The following MAGI3 variants were observed in gnomAD, a reference collection of about 807,000 sequenced individuals.
The protein encoded by MAGI3 is membrane-associated guanylate kinase, WW and PDZ domain-containing protein 3.
Under a neutral mutation model 121.8 loss-of-function variants are expected in MAGI3, and 43 were observed. That is an observed-to-expected ratio of 0.35 (90% CI 0.28 to 0.46). MAGI3 has a LOEUF of 0.46. MAGI3 is among the 20% of genes least tolerant of loss of function. The probability of loss-of-function intolerance (pLI) is 1.00; values close to 1 mark genes in which losing one functional copy is unlikely to be tolerated. For missense variants in MAGI3, 1,547 were observed against 1,797.3 expected, an observed-to-expected ratio of 0.86 and a Z score of 2.52; for synonymous variants, 553 against 639.3, an observed-to-expected ratio of 0.86 and a Z score of 2.04.
intron 1 of MAGI3, among the ~76,000 whole-genome samples, chr1:113,451,549 T>C (rs1156265923): frequency 2.6e-5 from 4 of 152,182 alleles, no homozygotes; most frequent in African/African-American, 9.7e-5. Context: ...GAAAATGTCC[T>C]AAGGAAGATC....
rs766594582 is a variant in MAGI3 at position 113,684,156 on chromosome 1, T to C, written c.*142T>C. The C allele has an allele frequency of 2.1e-6, 2 of 940,038 alleles. No individual in the cohort carries two copies. Among genetic ancestry groups the C allele is most frequent in the African/African-American group, 3.4e-5 (2 of 59,184 alleles). 58.2% of individuals were successfully genotyped at this position (940,038 alleles called of 1,614,324 possible). A position where few individuals can be genotyped will look rare whatever the true frequency, so the allele number is the denominator to read the frequency against. ...TGAGCCTCAAGTTACCTAGGCTGCA[T>C]GAAGGGCCTTTAGGATTGCTAAGAA... On this transcript the variant is annotated 3_prime_UTR_variant, in exon 21 of 21. Coordinates refer to ENST00000307546, the MANE Select transcript of MAGI3 (RefSeq NM_001142782.2).
intron 1 of MAGI3, among the ~76,000 whole-genome samples, chr1:113,461,819 A>G (rs1000074806): frequency 8.5e-5 from 13 of 152,238 alleles, no homozygotes; most frequent in Non-Finnish European, 1.2e-4. Context: ...TTTACAAACT[A>G]TGCATCTGAC....
At chr1:113,567,839 T>A (rs924001899) in intron 2 of MAGI3, among the ~76,000 whole-genome samples, 7 of 152,000 alleles carry the variant, frequency 4.6e-5, no homozygotes, top group African/African-American at 1.7e-4. Context: ...CTATTCAACA[T>A]AGTACTGGAA....
intron 1 of MAGI3, among the ~76,000 whole-genome samples, chr1:113,469,098 A>C (rs1655425205): frequency 6.6e-6 from 1 of 152,224 alleles, no homozygotes; most frequent in Admixed American, 6.5e-5. Flanking sequence ...ATACAAGAGT[A>C]ATAGCACTTG....
chr1:113,594,511 T>A lies in MAGI3; in HGVS notation c.969T>A (p.Asp323Glu). 1 of 1,613,390 alleles carries A rather than the reference T, an allele frequency of 6.2e-7. No homozygotes were observed. The part of the protein sequence containing the change: ...DHNTKTTTWL[D>E]PRLCKKAKAP... ...ATACCAAGACAACCACCTGGTTGGA[T>A]CCTCGTCTTTGTAAGAAAGCCAAAG... is the stretch of plus-strand genomic sequence containing the variant. Residue 323 changes from aspartate to glutamate, a missense_variant, in exon 6 of 21, where the codon GAT becomes GAA. Transcript: ENST00000307546.
intron 9 of MAGI3, among the ~76,000 whole-genome samples, chr1:113,629,418 G>T (rs1301135323): frequency 1.3e-5 from 2 of 152,026 alleles, no homozygotes; most frequent in Admixed American, 1.3e-4. Flanking sequence ...CTCCAGGATT[G>T]GTCCCTAGTG....
chr1:113,473,036 T>C (rs2101543626), intron 1 of MAGI3, among the ~76,000 whole-genome samples: 1 of 152,356 alleles, frequency 6.6e-6, no homozygotes, highest in Admixed American at 6.5e-5. Context: ...GAATTTATAG[T>C]AACTTTTTAA....
intron 2 of MAGI3, among the ~76,000 whole-genome samples, chr1:113,570,933 T>G (rs1337503211): frequency 1.3e-5 from 2 of 152,230 alleles, no homozygotes; most frequent in Non-Finnish European, 2.9e-5. Context: ...TTTGTTGCTA[T>G]TGTTTTTGGT....
intron 9 of MAGI3, among the ~76,000 whole-genome samples, chr1:113,626,025 G>A (rs1570959427): frequency 6.6e-6 from 1 of 152,114 alleles, no homozygotes; most frequent in Non-Finnish European, 1.5e-5. Flanking sequence ...GAGGGCAGTG[G>A]CATGATCTCA....
chr1:113,415,807 C>T (rs1318697711), intron 1 of MAGI3, among the ~76,000 whole-genome samples: 1 of 151,848 alleles, frequency 6.6e-6, no homozygotes, highest in African/African-American at 2.4e-5. Flanking sequence ...TCTCCTTACT[C>T]CCTCTCCCAA....
In MAGI3 at chr1:113,683,901, A is replaced by G; in HGVS notation, c.4333A>G (p.Lys1445Glu). 1 of 1,612,180 alleles carries G rather than the reference A, an allele frequency of 6.2e-7. No individual in the cohort carries two copies. Among genetic ancestry groups the G allele is most frequent in the Non-Finnish European group, 8.5e-7 (1 of 1,179,152 alleles). The change falls in exon 21 of 21, where the codon AAA becomes GAA. Residue 1445 changes from lysine to glutamate, a missense_variant. Coordinates refer to ENST00000307546, the MANE Select transcript of MAGI3 (RefSeq NM_001142782.2). Reference sequence around the variant, plus strand: ...CAAAAACAAAGAGACTGGAAGGTTCAAACCGGAAAGCAGTTCTCCAGTTAA... The same window carrying G: ...CAAAAACAAAGAGACTGGAAGGTTCGAACCGGAAAGCAGTTCTCCAGTTAA... ...ADKNKETGRF[K>E]PESSSPVKKT... is the part of the protein sequence containing the mutation.
intron 2 of MAGI3, among the ~76,000 whole-genome samples, chr1:113,572,466 T>C (rs1242721148): frequency 1.3e-5 from 2 of 152,198 alleles, no homozygotes; most frequent in Non-Finnish European, 2.9e-5. Flanking sequence ...TCAAAAGGAA[T>C]GGTACCAGCT....
chr1:113,400,256 TTCTATTACTGTATCAATG>T (rs997406930), intron 1 of MAGI3, among the ~76,000 whole-genome samples: 7 of 152,166 alleles, frequency 4.6e-5, no homozygotes, highest in Non-Finnish European at 7.4e-5. Flanking sequence ...TATTTTTATA[TTCTATTACTGTATCAATG>T]TCTTCAGCTT....
At chr1:113,605,582 T>C (rs1489644379) in intron 6 of MAGI3, among the ~76,000 whole-genome samples, 1 of 152,188 alleles carries the variant, frequency 6.6e-6, no homozygotes, top group East Asian at 1.9e-4. Flanking sequence ...AACCCACTTT[T>C]TATAATTGAA....
intron 1 of MAGI3, among the ~76,000 whole-genome samples, chr1:113,525,355 TCTTC>T (rs1658402643): frequency 6.6e-6 from 1 of 152,168 alleles, no homozygotes; most frequent in Non-Finnish European, 1.5e-5. Flanking sequence ...TTTAGACCAG[TCTTC>T]CTTCCTTTTT....
chr1:113,491,249 A>T (rs1038879947), intron 1 of MAGI3, among the ~76,000 whole-genome samples: 1 of 152,230 alleles, frequency 6.6e-6, no homozygotes, highest in Non-Finnish European at 1.5e-5. Context: ...TTACATGGCA[A>T]TTGGATAACC....
At chr1:113,575,014 C>T (rs754470203) in intron 2 of MAGI3, among the ~76,000 whole-genome samples, 1 of 152,058 alleles carries the variant, frequency 6.6e-6, no homozygotes, top group East Asian at 1.9e-4. Flanking sequence ...ATGAAGTTCT[C>T]GTGCTGTGTT....
intron 9 of MAGI3, among the ~76,000 whole-genome samples, chr1:113,631,956 T>C (rs1262983949): frequency 6.6e-6 from 1 of 152,142 alleles, no homozygotes; most frequent in Non-Finnish European, 1.5e-5. Context: ...TTAAGTATTG[T>C]TTTCCAGAAA....
At chr1:113,511,007 C>G (rs966869932) in intron 1 of MAGI3, among the ~76,000 whole-genome samples, 2 of 152,232 alleles carry the variant, frequency 1.3e-5, no homozygotes, top group East Asian at 1.9e-4. Context: ...GACTAGGGAC[C>G]CTTTAAAAGC....
Sources: allele counts gnomAD v4.1 joint callset (sites outside exome capture counted in the v4.1 genomes callset), GRCh38; gene constraint gnomAD v4.1.1; transcripts MANE v1.5; gene names NCBI Gene and HGNC (gene_info 2026-07-23, HGNC 2026-07-21).